Variants in EPC1 observed in about 807,000 individuals in gnomAD.
EPC1 encodes enhancer of polycomb 1.
Under a neutral mutation model 98.4 loss-of-function variants are expected in EPC1, and 12 were observed. That is an observed-to-expected ratio of 0.12 (90% CI 0.08 to 0.20). EPC1 has a LOEUF of 0.20. EPC1 is among the 10% of genes least tolerant of loss of function. The pLI is 1.00. For synonymous variants in EPC1, 357 were observed against 363.9 expected (o/e 0.98, Z 0.21); for missense variants, 729 against 990.5 (o/e 0.74, Z 3.54).
At chr10:32,361,900 G>C (rs898351444) in intron 1 of EPC1, among the ~76,000 whole-genome samples, 3 of 152,136 alleles carry the variant, frequency 2.0e-5, no homozygotes, top group African/African-American at 7.2e-5. Context: ...CAATAAAACA[G>C]GCTGCAGTAA....
At position 32,327,834 on chromosome 10, in the gene EPC1, T is replaced by C. The variant is rs144020068; in HGVS notation, c.153+18929A>G. On this transcript the variant is annotated intron_variant, in intron 1 of 13. Transcript: ENST00000319778. Reference sequence around the variant, plus strand: ...CAGTAAGAATATGGTATTATAACTTTGGGGGACACCAGAGTCATGTCTGTG... The same window carrying C: ...CAGTAAGAATATGGTATTATAACTTCGGGGGACACCAGAGTCATGTCTGTG... 4.2e-3 allele frequency among the ~76,000 whole-genome samples: 636 copies of C among 152,298 alleles called. 3 individuals carry two copies. The highest frequency in any genetic ancestry group is 0.014 in the African/African-American group (600 of 41,560).
intron 1 of EPC1, 56 bp from the exon 2 acceptor site, chr10:32,305,987 T>C: frequency 1.4e-6 from 2 of 1,445,066 alleles, no homozygotes; most frequent in Non-Finnish European, 1.8e-6. Flanking sequence ...AGTAAACAGA[T>C]CATATAGCCA....
At chr10:32,293,416 A>G (rs1466320489) in intron 3 of EPC1, among the ~76,000 whole-genome samples, 176 bp downstream of exon 3, 8 of 152,276 alleles carry the variant, frequency 5.3e-5, no homozygotes, top group East Asian at 3.9e-4. Context: ...AAAAATTTAA[A>G]CATATTGCTC....
intron 1 of EPC1, among the ~76,000 whole-genome samples, chr10:32,342,990 T>C (rs1838467813): frequency 6.6e-6 from 1 of 152,218 alleles, no homozygotes; most frequent in African/African-American, 2.4e-5. Flanking sequence ...TTTAAGATTA[T>C]AAAGATAATT....
intron 1 of EPC1, among the ~76,000 whole-genome samples, chr10:32,341,693 G>C (rs1222840013): frequency 6.6e-6 from 1 of 152,218 alleles, no homozygotes; most frequent in African/African-American, 2.4e-5. Flanking sequence ...GGCATGTAAA[G>C]TGTTCAAAAG....
Position 32,347,092 on chromosome 10 carries a change from C to G in EPC1, c.-177G>C. 1.4e-6 allele frequency: 2 copies of G among 1,443,204 alleles called. No individual in the cohort carries two copies. 89.4% of individuals were successfully genotyped at this position (1,443,204 alleles called of 1,614,324 possible). A position where few individuals can be genotyped will look rare whatever the true frequency, so the allele number is the denominator to read the frequency against. On this transcript the variant is annotated 5_prime_UTR_variant, in exon 1 of 14. Transcript: ENST00000319778. ...GGGAGGGTGGGAGGCTGTGCCGCTC[C>G]GCTCCTCTCTCGCTCGCTCTCTTCA...
intron 1 of EPC1, among the ~76,000 whole-genome samples, chr10:32,331,656 G>A (rs964910028): frequency 6.6e-6 from 1 of 151,938 alleles, no homozygotes; most frequent in African/African-American, 2.4e-5. Context: ...TTTACAACAG[G>A]GACTTTAAAA....
At chr10:32,336,437 T>C (rs918054878) in intron 1 of EPC1, among the ~76,000 whole-genome samples, 2 of 152,144 alleles carry the variant, frequency 1.3e-5, no homozygotes, top group African/African-American at 4.8e-5. Flanking sequence ...CATTGACCCT[T>C]GACAAACCCT....
At chr10:32,351,499 A>G (rs1839107721), upstream of EPC1, among the ~76,000 whole-genome samples, 1 of 151,838 alleles carries the variant, frequency 6.6e-6, no homozygotes, top group Non-Finnish European at 1.5e-5. Context: ...TCTACTAAAA[A>G]TACAAAAAAT....
chr10:32,312,629 G>A (rs1385419913), intron 1 of EPC1, among the ~76,000 whole-genome samples: 2 of 152,088 alleles, frequency 1.3e-5, no homozygotes, highest in Non-Finnish European at 2.9e-5. Flanking sequence ...GAAGGGATTT[G>A]TCTATTTTGT....
chr10:32,302,069 C>G (rs527744400), intron 2 of EPC1, among the ~76,000 whole-genome samples: 1 of 150,440 alleles, frequency 6.6e-6, no homozygotes, highest in African/African-American at 2.4e-5. Flanking sequence ...GTCAGGAGAT[C>G]GAGACCGTCC....
At chr10:32,292,251 C>T (rs1285427552) in intron 5 of EPC1, 7 of 242,246 alleles carry the variant, frequency 2.9e-5, no homozygotes, top group African/African-American at 1.1e-4. Context: ...AACTCAAGGA[C>T]CAAAAAAGAC....
intron 1 of EPC1, among the ~76,000 whole-genome samples, chr10:32,368,369 C>T (rs765720847): frequency 6.6e-6 from 1 of 152,138 alleles, no homozygotes; most frequent in Non-Finnish European, 1.5e-5. Context: ...TCCGCACTGG[C>T]TTCTAGCTGT....
At chr10:32,365,963 G>A (rs749321956) in intron 1 of EPC1, among the ~76,000 whole-genome samples, 28 of 149,464 alleles carry the variant, frequency 1.9e-4, no homozygotes, top group Non-Finnish European at 3.1e-4. Context: ...GTGAAACCCC[G>A]TCTCTACTAA....
chr10:32,320,852 A>C (rs2132904076), intron 1 of EPC1, among the ~76,000 whole-genome samples: 1 of 152,174 alleles, frequency 6.6e-6, no homozygotes, highest in African/African-American at 2.4e-5. Context: ...CTCCCAAAGT[A>C]CTGGGATTAC....
At chr10:32,297,620 T>C (rs1470993808) in intron 2 of EPC1, among the ~76,000 whole-genome samples, 1 of 152,052 alleles carries the variant, frequency 6.6e-6, no homozygotes, top group Non-Finnish European at 1.5e-5. Flanking sequence ...AACTACACTG[T>C]GTAAGCTGGC....
chr10:32,346,080 A>G (rs1365011367), intron 1 of EPC1, among the ~76,000 whole-genome samples: 2 of 152,254 alleles, frequency 1.3e-5, no homozygotes, highest in African/African-American at 4.8e-5. Context: ...GAAAGAGGAC[A>G]CTGAAAGTAA....
intron 1 of EPC1, among the ~76,000 whole-genome samples, chr10:32,373,514 A>G (rs1444476148): frequency 6.6e-6 from 1 of 152,228 alleles, no homozygotes; most frequent in East Asian, 1.9e-4. Context: ...CATCTTGCCT[A>G]GTTAAACCAA....
intron 1 of EPC1, among the ~76,000 whole-genome samples, chr10:32,307,740 A>G (rs978210881): frequency 1.3e-5 from 2 of 152,138 alleles, no homozygotes; most frequent in African/African-American, 4.8e-5. Context: ...ATTTTTGCCA[A>G]CCCCAGTGTA....
Sources: gnomAD v4.1 joint callset for allele counts (sites outside exome capture counted in the v4.1 genomes callset) on GRCh38, gnomAD v4.1.1 for gene constraint, MANE v1.5 for transcripts, NCBI Gene and HGNC (gene_info 2026-07-23, HGNC 2026-07-21) for gene names.